The following LRP5 variants were observed in gnomAD, a reference collection of about 807,000 sequenced individuals.
LRP5 encodes the protein low-density lipoprotein receptor-related protein 5.
Under a neutral mutation model 154.1 loss-of-function variants are expected in LRP5, and 62 were observed. That is an observed-to-expected ratio of 0.40 (90% CI 0.33 to 0.50). The LOEUF is 0.50. LRP5 is among the 20% of genes least tolerant of loss of function. LRP5 has a pLI of 0.55. For missense variants in LRP5, 1,915 were observed against 2,336.7 expected, an observed-to-expected ratio of 0.82 and a Z score of 3.72; for synonymous variants, 966 against 1,011.5, an observed-to-expected ratio of 0.96 and a Z score of 0.85.
intron 18 of LRP5, among the ~76,000 whole-genome samples, chr11:68,435,435 A>G (rs7950129): frequency 0.35 from 52,702 of 151,918 alleles, 10,064 homozygotes; most frequent in Middle Eastern, 0.5. Context: ...ACTCATGGTG[A>G]AAGTCGAAGC....
chr11:68,313,188 C>A (rs1209444435), intron 1 of LRP5, among the ~76,000 whole-genome samples: 1 of 151,004 alleles, frequency 6.6e-6, no homozygotes, highest in African/African-American at 2.4e-5. Context: ...CGGGCCTGGC[C>A]CGGGGAGCCG....
chr11:68,441,644 A>G (rs1435908947), intron 21 of LRP5, among the ~76,000 whole-genome samples: 1 of 152,232 alleles, frequency 6.6e-6, no homozygotes, highest in Non-Finnish European at 1.5e-5. Context: ...CACAGCAGGC[A>G]GCTCACGAAT....
chr11:68,299,169 T>C, the LRP5 span, among the ~76,000 whole-genome samples: 1 of 152,014 alleles, frequency 6.6e-6, no homozygotes, highest in South Asian at 2.1e-4. Flanking sequence ...CCACCACAAC[T>C]TGTGGATGGG....
chr11:68,362,965 A>G (rs2098628890), intron 3 of LRP5, among the ~76,000 whole-genome samples: 1 of 152,112 alleles, frequency 6.6e-6, no homozygotes. Flanking sequence ...ATTACCGACC[A>G]CGTCACATTA....
chr11:68,444,859 T>A (rs2098680578), intron 21 of LRP5, among the ~76,000 whole-genome samples: 1 of 151,986 alleles, frequency 6.6e-6, no homozygotes, highest in Admixed American at 6.6e-5. Flanking sequence ...TTGAAGCATC[T>A]TCCCCAGTGC....
At chr11:68,367,421 G>A (rs1181058303) in intron 5 of LRP5, among the ~76,000 whole-genome samples, 3 of 152,214 alleles carry the variant, frequency 2.0e-5, no homozygotes, top group Non-Finnish European at 4.4e-5. Context: ...GGGCCCTGGT[G>A]GAGCAAGGCC....
chr11:68,322,690 C>G (rs1055367068), intron 1 of LRP5, among the ~76,000 whole-genome samples: 1 of 152,272 alleles, frequency 6.6e-6, no homozygotes, highest in African/African-American at 2.4e-5. Context: ...GTTCTGAGGC[C>G]AAGGCCTCAT....
At chr11:68,380,399 G>A (rs1242492182) in intron 5 of LRP5, among the ~76,000 whole-genome samples, 1 of 152,218 alleles carries the variant, frequency 6.6e-6, no homozygotes, top group African/African-American at 2.4e-5. Flanking sequence ...AGCTGAGGAG[G>A]CGGGAAGGAG....
At chr11:68,359,954 T>C (rs2098626355) in intron 3 of LRP5, among the ~76,000 whole-genome samples, 1 of 151,918 alleles carries the variant, frequency 6.6e-6, no homozygotes, top group Non-Finnish European at 1.5e-5. Context: ...GCCTGGCAAA[T>C]TGTTGTATTT....
intron 2 of LRP5, among the ~76,000 whole-genome samples, chr11:68,348,922 C>G (rs1052461185): frequency 1.3e-4 from 20 of 148,516 alleles, no homozygotes; most frequent in African/African-American, 4.7e-4. Context: ...CCAGCCTGGG[C>G]GACAAAGTGA....
chr11:68,312,532 G>T, upstream of LRP5: 1 of 151,818 alleles, frequency 6.6e-6, no homozygotes, highest in South Asian at 1.9e-4. Flanking sequence ...GGGTGGCGGC[G>T]GCGGGGGGCG....
chr11:68,367,836 G>C (rs1028491674), intron 5 of LRP5, among the ~76,000 whole-genome samples: 2 of 152,208 alleles, frequency 1.3e-5, no homozygotes, highest in African/African-American at 4.8e-5. Context: ...GTCCAAGGCA[G>C]GTGGATCATT....
At chr11:68,304,396 AG>A in the LRP5 span, among the ~76,000 whole-genome samples, 1 of 152,242 alleles carries the variant, frequency 6.6e-6, no homozygotes, top group Non-Finnish European at 1.5e-5. Context: ...TAGATGTCAG[AG>A]GATGTATGAG....
chr11:68,360,420 A>AG (rs11369776), intron 3 of LRP5, among the ~76,000 whole-genome samples: 152,357 of 152,360 alleles, frequency 1, 76,177 homozygotes, highest in Middle Eastern at 1. Context: ...CTGTAGCTCC[A>AG]GGTCTGGTCT....
intron 9 of LRP5, among the ~76,000 whole-genome samples, chr11:68,407,866 T>C (rs2098656642): frequency 6.6e-6 from 1 of 151,544 alleles, no homozygotes; most frequent in South Asian, 2.1e-4. Context: ...AAAAGTTTGA[T>C]TGGTGTAACC....
chr11:68,445,614 G>A, intron 21 of LRP5: 1 of 1,317,994 alleles, frequency 7.6e-7, no homozygotes, highest in Non-Finnish European at 9.9e-7. Context: ...TGGCCTTGGA[G>A]ACCCACATAA....
intron 1 of LRP5, among the ~76,000 whole-genome samples, chr11:68,318,324 C>T (rs1591167587): frequency 6.6e-6 from 1 of 150,616 alleles, no homozygotes; most frequent in Non-Finnish European, 1.5e-5. Flanking sequence ...GGATTACAGG[C>T]GTGAGCCACC....
chr11:68,446,790 G>C (rs2098681673), intron 22 of LRP5, among the ~76,000 whole-genome samples: 1 of 152,196 alleles, frequency 6.6e-6, no homozygotes, highest in African/African-American at 2.4e-5. Flanking sequence ...CTCCTATGGG[G>C]GTTACTTTTA....
chr11:68,317,049 G>T (rs2098593832), intron 1 of LRP5, among the ~76,000 whole-genome samples: 1 of 152,270 alleles, frequency 6.6e-6, no homozygotes, highest in South Asian at 2.1e-4. Context: ...AAGCAGCAGG[G>T]TGTGGGCTCT....
Sources: gnomAD v4.1 joint callset for allele counts (sites outside exome capture counted in the v4.1 genomes callset) on GRCh38, gnomAD v4.1.1 for gene constraint, MANE v1.5 for transcripts, NCBI Gene and HGNC (gene_info 2026-07-23, HGNC 2026-07-21) for gene names.